The following MKRN1 variants were observed in gnomAD, a reference collection of about 807,000 sequenced individuals.
The protein encoded by MKRN1 is E3 ubiquitin-protein ligase makorin-1.
MKRN1 carries 9 observed loss-of-function variants against 55.5 expected under a neutral mutation model. That is an observed-to-expected ratio of 0.16 (90% CI 0.10 to 0.28). The LOEUF (loss-of-function observed/expected upper bound fraction) is 0.28, where lower values mean the gene tolerates loss of function less well. Ranked by LOEUF, MKRN1 falls within the 10% of genes least tolerant of loss-of-function variation. The pLI, the probability that MKRN1 is intolerant of heterozygous loss-of-function variation, is 1.00. For synonymous variants in MKRN1, 253 were observed against 235.9 expected (o/e 1.07, Z -0.66); for missense variants, 488 against 626.7 (o/e 0.78, Z 2.36).
In MKRN1 at chr7:140,455,164, C is replaced by T. The variant is rs761398321; in HGVS notation, c.1167G>A (p.Lys389=). The T allele has an allele frequency of 6.2e-7, 1 of 1,614,052 alleles. No homozygotes were observed. The highest frequency in any genetic ancestry group is 8.5e-7 in the Non-Finnish European group (1 of 1,180,024). ...CTCTACGGCCATCAGGGTACGCATG[C>T]TTGTAAAAACAGTTCCCTCCAAATG... The part of the protein sequence containing the change: ...SCPFGGNCFY[K]HAYPDGRREE... The change falls in exon 7 of 8, where the codon AAG becomes AAA. Residue 389 remains lysine, a synonymous_variant. Coordinates refer to ENST00000255977, the MANE Select transcript of MKRN1 (RefSeq NM_013446.4).
At chr7:140,470,396 CCAA>C (rs1267798949) in intron 2 of MKRN1, among the ~76,000 whole-genome samples, 1 of 151,770 alleles carries the variant, frequency 6.6e-6, no homozygotes, top group Non-Finnish European at 1.5e-5. Context: ...ACCAGCCTGG[CCAA>C]CATGGTGAAA....
At chr7:140,471,273 A>C (rs1304900458) in intron 2 of MKRN1, among the ~76,000 whole-genome samples, 1 of 151,976 alleles carries the variant, frequency 6.6e-6, no homozygotes, top group African/African-American at 2.4e-5. Context: ...GCTACTTGGG[A>C]GGCTGAGGTG....
chr7:140,456,592 A>G, intron 5 of MKRN1, 60 bp downstream of exon 5: 2 of 1,588,870 alleles, frequency 1.3e-6, no homozygotes, highest in Non-Finnish European at 1.7e-6. Context: ...AAGTTGGCAC[A>G]AGTTACTAAA....
rs1390843255 is a variant in MKRN1, at chr7:140,454,400, G to A, written c.*117C>T. 9 of 965,116 alleles carry A rather than the reference G, an allele frequency of 9.3e-6. No homozygotes were observed. Among genetic ancestry groups the A allele is most frequent in the Admixed American group, 2.1e-5 (1 of 46,910 alleles). The allele number at this position is 965,116 out of a possible 1,614,324, so 59.8% of individuals were successfully genotyped here. ...GACAGGCCCTGGGTAAAAATTCTTA[G>A]GACAGCACCTGGAGTTGAGAGGCCT... On this transcript the variant is annotated 3_prime_UTR_variant, in exon 8 of 8. Coordinates refer to ENST00000255977, the MANE Select transcript of MKRN1 (RefSeq NM_013446.4).
In MKRN1 at chr7:140,470,185, C is replaced by T. The variant is rs192543869; in HGVS notation, c.314+1698G>A. ...GCAGTGAGCTGAGATCATGCCATTG[C>T]ACTCCAGCCTGGGTGACCAGCAAAA... On this transcript the variant is annotated intron_variant, in intron 2 of 7. Coordinates refer to ENST00000255977, the MANE Select transcript of MKRN1 (RefSeq NM_013446.4). 9.3e-5 allele frequency among the ~76,000 whole-genome samples: 14 copies of T among 150,730 alleles called. No homozygotes were observed. In the East Asian group the frequency reaches 2.2e-3, roughly 23 times the overall value.
chr7:140,479,397 C>A lies in MKRN1; in HGVS notation c.-53G>T. The stretch of plus-strand genomic sequence containing the variant: ...CCGGAACTTCCGGGATCACATAGTT[C>A]CGGTCCGGCTGCGGGGAGAGGACGG... On this transcript the variant is annotated 5_prime_UTR_variant, in exon 1 of 8. Transcript: ENST00000255977. The A allele has an allele frequency of 7.9e-7, 1 of 1,265,574 alleles. No individual in the cohort carries two copies. The highest frequency in any genetic ancestry group is 3.1e-5 in the South Asian group (1 of 32,126). 78.4% of individuals were successfully genotyped at this position (1,265,574 alleles called of 1,614,324 possible). A position where few individuals can be genotyped will look rare whatever the true frequency, so the allele number is the denominator to read the frequency against.
intron 4 of MKRN1, among the ~76,000 whole-genome samples, chr7:140,457,137 A>G (rs1017920081): frequency 1.3e-5 from 2 of 152,040 alleles, no homozygotes; most frequent in African/African-American, 4.8e-5. Flanking sequence ...AATTTTCTCT[A>G]CCCCAAACCT....
Position 140,454,789 on chromosome 7 carries a change from G to C in MKRN1, c.1237-60C>G. 3 of 1,545,678 alleles carry C rather than the reference G, an allele frequency of 1.9e-6. No homozygotes were observed. In the Admixed American group the frequency reaches 5.1e-5, roughly 26 times the overall value. On this transcript the variant is annotated intron_variant, in intron 7 of 7. Coordinates refer to ENST00000255977, the MANE Select transcript of MKRN1 (RefSeq NM_013446.4). Reference sequence around the variant, plus strand: ...GTCGAGCAGTATCTTCTATCCTGTTGTTTATAAGGCAAAACGTCCAGCACA... The same window carrying C: ...GTCGAGCAGTATCTTCTATCCTGTTCTTTATAAGGCAAAACGTCCAGCACA...
intron 1 of MKRN1, among the ~76,000 whole-genome samples, chr7:140,474,057 G>T (rs995633767): frequency 6.9e-6 from 1 of 144,886 alleles, no homozygotes; most frequent in Non-Finnish European, 1.5e-5. Flanking sequence ...AAGAAAGAAA[G>T]AAAGAAAGAA....
At chr7:140,472,726 C>G (rs1253671794) in intron 1 of MKRN1, among the ~76,000 whole-genome samples, 1 of 150,678 alleles carries the variant, frequency 6.6e-6, no homozygotes, top group East Asian at 2.0e-4. Context: ...TTTTGACATT[C>G]CAGCCTGGGT....
At chr7:140,471,750 A>G in intron 2 of MKRN1, 133 bp downstream of exon 2, 3 of 1,275,432 alleles carry the variant, frequency 2.4e-6, no homozygotes, top group East Asian at 2.4e-5. Context: ...GATTATAGGC[A>G]TGAGCCACTG....
upstream of MKRN1, chr7:140,479,552 A>G (rs1283420646): frequency 2.2e-6 from 1 of 452,096 alleles, no homozygotes; most frequent in African/African-American, 2.0e-5. Flanking sequence ...CGGCCCGCCC[A>G]CGGCGCCGCT....
At chr7:140,467,517 A>T (rs1018179921) in intron 2 of MKRN1, among the ~76,000 whole-genome samples, 1 of 151,950 alleles carries the variant, frequency 6.6e-6, no homozygotes, top group Non-Finnish European at 1.5e-5. Context: ...ACCTCAAGTG[A>T]TCCGCCCACC....
chr7:140,456,803 T>A lies in MKRN1; in HGVS notation c.835A>T (p.Met279Leu). The A allele has an allele frequency of 6.2e-7, 1 of 1,613,988 alleles. No individual in the cohort carries two copies. The highest frequency in any genetic ancestry group is 1.1e-5 in the South Asian group (1 of 91,082). Residue 279 changes from methionine (M) to leucine (L), a missense_variant, in exon 5 of 8, where the codon ATG becomes TTG. Transcript: ENST00000255977. ...ACCTCCATGCAGATCCCACACACCATGTCCTTGCTGCGCTGCACGGCAAAT... is the reference window on the plus strand; with the variant it reads ...ACCTCCATGCAGATCCCACACACCAAGTCCTTGCTGCGCTGCACGGCAAAT... ...LSFAVQRSKD[M>L]VCGICMEVVY...
chr7:140,470,058 A>AT (rs56268869), intron 2 of MKRN1, among the ~76,000 whole-genome samples: 30,629 of 142,398 alleles, frequency 0.22, 5,483 homozygotes, highest in African/African-American at 0.5. Flanking sequence ...AAAAAAAAAA[A>AT]AAAAAAAAAA....
intron 2 of MKRN1, among the ~76,000 whole-genome samples, chr7:140,470,380 T>C (rs1358906845): frequency 6.6e-6 from 1 of 151,626 alleles, no homozygotes; most frequent in East Asian, 2.0e-4. Flanking sequence ...AGGTCAGGAG[T>C]TCGAGACCAG....
intron 2 of MKRN1, among the ~76,000 whole-genome samples, chr7:140,470,074 A>T (rs1366844290): frequency 3.5e-5 from 5 of 144,584 alleles, no homozygotes; most frequent in African/African-American, 1.3e-4. Flanking sequence ...AAAAAAAATT[A>T]GCCAGGTGTG....
At chr7:140,475,239 A>C (rs1252807064) in intron 1 of MKRN1, 1 of 430,500 alleles carries the variant, frequency 2.3e-6, no homozygotes, top group Non-Finnish European at 4.7e-6. Flanking sequence ...GCTTCTCGGA[A>C]GGCTGAGGCA....
At chr7:140,478,927 C>T (rs1159987545) in intron 1 of MKRN1, 3 of 393,680 alleles carry the variant, frequency 7.6e-6, no homozygotes, top group Non-Finnish European at 1.3e-5. Flanking sequence ...AATCGCGCAC[C>T]GCCAGGCCTC....
Sources: allele counts gnomAD v4.1 joint callset (sites outside exome capture counted in the v4.1 genomes callset), GRCh38; gene constraint gnomAD v4.1.1; transcripts MANE v1.5; gene names NCBI Gene and HGNC (gene_info 2026-07-23, HGNC 2026-07-21).